The following BTBD10 variants were observed in gnomAD, a reference collection of about 807,000 sequenced individuals.
BTBD10 encodes the protein BTB domain containing 10, also known as BTB/POZ domain-containing protein 10.
A neutral mutation model predicts 53.2 loss-of-function variants in BTBD10; 21 were observed. The observed-to-expected ratio is 0.39, with a 90% CI of 0.28 to 0.57. BTBD10 has a LOEUF of 0.57. Ranked by LOEUF, BTBD10 falls within the 20% of genes least tolerant of loss-of-function variation. The probability of loss-of-function intolerance (pLI) is 0.53; values close to 1 mark genes in which losing one functional copy is unlikely to be tolerated. For missense variants in BTBD10, 360 were observed against 594.7 expected, an observed-to-expected ratio of 0.61 and a Z score of 4.10; for synonymous variants, 149 against 192.7, an observed-to-expected ratio of 0.77 and a Z score of 1.88.
chr11:13,403,047 T>C, intron 8 of BTBD10, 121 bp downstream of exon 8: 2 of 639,520 alleles, frequency 3.1e-6, no homozygotes, highest in Non-Finnish European at 5.3e-6. Context: ...CATAAGCATG[T>C]GGTAATCATT....
chr11:13,421,106 T>C (rs1306051612), intron 3 of BTBD10, among the ~76,000 whole-genome samples: 1 of 56,378 alleles, frequency 1.8e-5, no homozygotes, highest in African/African-American at 4.5e-5. Flanking sequence ...GTTTTATAGT[T>C]ATATGTGTTC....
In BTBD10 at chr11:13,419,765, C is replaced by A. The variant is rs189274863; in HGVS notation, c.299-20G>T. ...CTCGTTCTGAAATAAAGATGTTAGA[C>A]GAAGTTATGCAAATTTTCTTTTACA... On this transcript the variant is annotated intron_variant, in intron 3 of 8. Coordinates refer to ENST00000278174, the MANE Select transcript of BTBD10 (RefSeq NM_032320.7). 6.6e-7 allele frequency: 1 copy of A among 1,505,848 alleles called. No individual in the cohort carries two copies. Among genetic ancestry groups the A allele is most frequent in the East Asian group, 2.3e-5 (1 of 43,318 alleles). 93.3% of individuals were successfully genotyped at this position (1,505,848 alleles called of 1,614,324 possible). A position where few individuals can be genotyped will look rare whatever the true frequency, so the allele number is the denominator to read the frequency against.
At chr11:13,440,358 GGAGTT>G (rs759661149) in intron 2 of BTBD10, 7 of 1,029,656 alleles carry the variant, frequency 6.8e-6, no homozygotes, top group East Asian at 9.1e-5. Flanking sequence ...ACAAAACGCA[GGAGTT>G]GAGGGCTTAG....
At chr11:13,390,740 G>A (rs560650659) in intron 8 of BTBD10, among the ~76,000 whole-genome samples, 14 of 152,284 alleles carry the variant, frequency 9.2e-5, no homozygotes, top group South Asian at 4.1e-4. Flanking sequence ...AAATAGAATG[G>A]TCTCACATAG....
intron 8 of BTBD10, among the ~76,000 whole-genome samples, chr11:13,396,783 C>A (rs1300677651): frequency 6.6e-6 from 1 of 152,200 alleles, no homozygotes; most frequent in Non-Finnish European, 1.5e-5. Context: ...GCCTTTTCTG[C>A]ATCTATTGAG....
intron 8 of BTBD10, among the ~76,000 whole-genome samples, chr11:13,396,395 C>T: frequency 6.6e-6 from 1 of 152,126 alleles, no homozygotes; most frequent in Non-Finnish European, 1.5e-5. Context: ...GATTTTGTAT[C>T]CTGAGACTTT....
chr11:13,400,866 G>C (rs376101195), intron 8 of BTBD10, among the ~76,000 whole-genome samples: 15 of 152,218 alleles, frequency 9.9e-5, no homozygotes, highest in East Asian at 9.6e-4. Context: ...AACTGGCCCA[G>C]ACTCTTCAAT....
At chr11:13,404,528 C>A (rs988806080) in intron 7 of BTBD10, 1 of 808,706 alleles carries the variant, frequency 1.2e-6, no homozygotes, top group African/African-American at 1.9e-5. Flanking sequence ...CTTGTTCACT[C>A]CTTTTCCTTA....
chr11:13,428,400 A>T (rs1950384174), intron 2 of BTBD10, among the ~76,000 whole-genome samples: 2 of 152,116 alleles, frequency 1.3e-5, no homozygotes, highest in Middle Eastern at 3.2e-3. Flanking sequence ...CTCTTCCAGA[A>T]AATTGATGAG....
rs1949632109 is a variant in BTBD10 at position 13,398,847 on chromosome 11, C to A, written c.1117+4321G>T. ...GAAATTCTGGGTTGAAAATTCTTTT[C>A]TTTAAGAATGTTGAATATTGGCCCC... On this transcript the variant is annotated intron_variant, in intron 8 of 8. Transcript: ENST00000278174. Among the ~76,000 whole-genome samples, 4 of 152,134 alleles carry A rather than the reference C, an allele frequency of 2.6e-5. No individual in the cohort carries two copies. In the South Asian group the frequency reaches 8.3e-4, roughly 32 times the overall value.
intron 5 of BTBD10, among the ~76,000 whole-genome samples, chr11:13,416,756 C>A (rs1035929636): frequency 6.6e-6 from 1 of 152,062 alleles, no homozygotes; most frequent in African/African-American, 2.4e-5. Context: ...GCAGGAGGAT[C>A]GCTTGAGCCC....
In BTBD10 at chr11:13,444,501, T is replaced by G. The variant is rs1950719270; in HGVS notation, c.101+523A>C. Among the ~76,000 whole-genome samples, 4 of 152,148 alleles carry G rather than the reference T, an allele frequency of 2.6e-5. No individual in the cohort carries two copies. In the South Asian group the frequency reaches 8.3e-4, roughly 32 times the overall value. The stretch of plus-strand genomic sequence containing the variant: ...AATAATAGATAGATGGCCTGAAACT[T>G]GAAATGAATTTTATTTCACGCAGCA... On this transcript the variant is annotated intron_variant, in intron 2 of 8. Transcript: ENST00000278174.
chr11:13,424,843 C>A (rs910815142), intron 2 of BTBD10, among the ~76,000 whole-genome samples: 9 of 152,060 alleles, frequency 5.9e-5, no homozygotes, highest in Admixed American at 5.9e-4. Context: ...ATGAGATATG[C>A]CCAACAATTG....
At chr11:13,389,822 G>A (rs954260112) in intron 8 of BTBD10, among the ~76,000 whole-genome samples, 10 of 152,234 alleles carry the variant, frequency 6.6e-5, no homozygotes, top group Non-Finnish European at 1.0e-4. Flanking sequence ...CCTACATCTC[G>A]TCTTTATATT....
chr11:13,445,225 G>A, intron 1 of BTBD10, 44 bp from the exon 2 acceptor site: 1 of 691,482 alleles, frequency 1.4e-6, no homozygotes. Context: ...ATTCCACGCA[G>A]AATAAAATAG....
chr11:13,438,190 T>C (rs1950578558), intron 2 of BTBD10, among the ~76,000 whole-genome samples: 1 of 152,096 alleles, frequency 6.6e-6, no homozygotes, highest in South Asian at 2.1e-4. Context: ...TTGACATTTT[T>C]CTGAAGTCTC....
At chr11:13,433,810 C>T (rs1950498455) in intron 2 of BTBD10, among the ~76,000 whole-genome samples, 1 of 152,114 alleles carries the variant, frequency 6.6e-6, no homozygotes, top group African/African-American at 2.4e-5. Context: ...TTTGCTGACC[C>T]CTGTATTAAA....
At chr11:13,431,002 C>CACACACACACACACAG (rs1404662683) in intron 2 of BTBD10, among the ~76,000 whole-genome samples, 1 of 139,516 alleles carries the variant, frequency 7.2e-6, no homozygotes, top group Non-Finnish European at 1.5e-5. Flanking sequence ...CACACACACA[C>CACACACACACACACAG]AGATATATAT....
At chr11:13,389,245 T>A in intron 8 of BTBD10, 104 bp from the exon 9 acceptor site, 2 of 928,256 alleles carry the variant, frequency 2.2e-6, no homozygotes, top group Non-Finnish European at 3.2e-6. Flanking sequence ...GAAACAAATT[T>A]AAAACAAAGA....
Sources: allele counts gnomAD v4.1 joint callset (sites outside exome capture counted in the v4.1 genomes callset), GRCh38; gene constraint gnomAD v4.1.1; transcripts MANE v1.5; gene names NCBI Gene and HGNC (gene_info 2026-07-23, HGNC 2026-07-21).